Variants in CDC73 observed in about 807,000 individuals in gnomAD.
The protein encoded by CDC73 is cell division cycle 73, also known as parafibromin.
A neutral mutation model predicts 83.7 loss-of-function variants in CDC73; 21 were observed. The ratio of observed to expected loss-of-function variants is 0.25; its 90% confidence interval spans 0.18 to 0.36. The LOEUF is 0.36. CDC73 is among the 10% of genes least tolerant of loss of function. The pLI, the probability that CDC73 is intolerant of heterozygous loss-of-function variation, is 1.00. For synonymous variants in CDC73, 224 were observed against 212.9 expected (o/e 1.05, Z -0.45); for missense variants, 342 against 653.3 (o/e 0.52, Z 5.19).
chr1:193,203,966 A>G, intron 11 of CDC73, 114 bp downstream of exon 11: 1 of 831,824 alleles, frequency 1.2e-6, no homozygotes, highest in Non-Finnish European at 2.1e-6. Context: ...AATACATTGC[A>G]AAGTCATGTT....
chr1:193,157,132 A>T (rs1676220779), intron 10 of CDC73, among the ~76,000 whole-genome samples: 1 of 152,218 alleles, frequency 6.6e-6, no homozygotes, highest in Non-Finnish European at 1.5e-5. Flanking sequence ...AACACATTTT[A>T]GGAGCAGTGA....
At chr1:193,155,584 C>T (rs915527243) in intron 10 of CDC73, among the ~76,000 whole-genome samples, 1 of 152,144 alleles carries the variant, frequency 6.6e-6, no homozygotes, top group Non-Finnish European at 1.5e-5. Context: ...TCAAGACCAG[C>T]TCGGTTAACA....
intron 11 of CDC73, among the ~76,000 whole-genome samples, chr1:193,206,107 A>G (rs1249387005): frequency 6.6e-6 from 1 of 152,178 alleles, no homozygotes; most frequent in Non-Finnish European, 1.5e-5. Context: ...TACCTAAACA[A>G]ACCATTTTGT....
intron 3 of CDC73, 67 bp downstream of exon 3, chr1:193,130,310 T>C: frequency 1.0e-6 from 1 of 973,452 alleles, no homozygotes; most frequent in South Asian, 1.3e-5. Context: ...TATGAAATAA[T>C]GATTAGAGGG....
intron 2 of CDC73, among the ~76,000 whole-genome samples, chr1:193,129,834 A>G (rs10754046): frequency 0.61 from 92,643 of 152,052 alleles, 28,940 homozygotes; most frequent in South Asian, 0.77. Context: ...TAAAAGTAAC[A>G]TGTTTAATAC....
chr1:193,130,028 T>TTA, intron 2 of CDC73, 146 bp from the exon 3 acceptor site: 1 of 622,004 alleles, frequency 1.6e-6, no homozygotes, highest in East Asian at 2.8e-5. Context: ...TTAGGTTCTT[T>TTA]TAGCCTAGTC....
At chr1:193,238,792 C>T (rs1038288788) in intron 15 of CDC73, among the ~76,000 whole-genome samples, 1 of 152,114 alleles carries the variant, frequency 6.6e-6, no homozygotes, top group Non-Finnish European at 1.5e-5. Flanking sequence ...AGAGAAAATA[C>T]ATTTACTGTT....
chr1:193,223,879 A>G (rs1364387045), intron 13 of CDC73, among the ~76,000 whole-genome samples: 2 of 131,488 alleles, frequency 1.5e-5, no homozygotes, highest in South Asian at 4.7e-4. Flanking sequence ...TTTTTTTTGT[A>G]TTGATACGTA....
chr1:193,142,098 TGAGA>T (rs80356646), intron 7 of CDC73, 32 bp downstream of exon 7: 1,927 of 1,415,542 alleles, frequency 1.4e-3, no homozygotes, highest in Non-Finnish European at 1.6e-3. Context: ...TTCATTGGAG[TGAGA>T]GAGAGAGAGA....
At chr1:193,137,078 A>T (rs974576392) in intron 5 of CDC73, among the ~76,000 whole-genome samples, 2 of 152,140 alleles carry the variant, frequency 1.3e-5, no homozygotes, top group Non-Finnish European at 2.9e-5. Context: ...TCTTTTGAGG[A>T]TCTATAAGGA....
intron 10 of CDC73, chr1:193,181,068 T>A: frequency 6.2e-7 from 1 of 1,614,070 alleles, no homozygotes; most frequent in Middle Eastern, 1.6e-4. Context: ...CTCTTCTAGC[T>A]TCTATTTGTC....
intron 10 of CDC73, among the ~76,000 whole-genome samples, chr1:193,173,430 A>G (rs931157892): frequency 3.3e-5 from 5 of 152,064 alleles, no homozygotes; most frequent in African/African-American, 9.7e-5. Flanking sequence ...TTGTTCCTGC[A>G]CACTTTGCCT....
At chr1:193,211,307 G>A (rs1168554030) in intron 11 of CDC73, among the ~76,000 whole-genome samples, 2 of 152,196 alleles carry the variant, frequency 1.3e-5, no homozygotes, top group African/African-American at 4.8e-5. Flanking sequence ...TTTGCAGTTT[G>A]AGGTACAAAG....
chr1:193,196,304 G>A (rs115557172), intron 10 of CDC73, among the ~76,000 whole-genome samples: 29 of 152,256 alleles, frequency 1.9e-4, no homozygotes, highest in East Asian at 5.8e-4. Flanking sequence ...GACCATATAC[G>A]TGTGAGGTTA....
intron 13 of CDC73, among the ~76,000 whole-genome samples, chr1:193,226,491 T>G (rs1195961952): frequency 6.6e-6 from 1 of 152,184 alleles, no homozygotes; most frequent in East Asian, 1.9e-4. Context: ...GAGGTATGTC[T>G]CTTGTCTGCC....
chr1:193,211,971 A>G (rs1310067150), intron 11 of CDC73, 94 bp from the exon 12 acceptor site: 2 of 923,938 alleles, frequency 2.2e-6, no homozygotes, highest in Admixed American at 2.0e-5. Context: ...ATATGGGAAT[A>G]CACATAATTT....
chr1:193,197,552 C>T (rs924281961), intron 10 of CDC73, among the ~76,000 whole-genome samples: 7 of 152,138 alleles, frequency 4.6e-5, no homozygotes, highest in Admixed American at 1.3e-4. Context: ...TTGCAAGCAC[C>T]ATGAGGGTAG....
intron 11 of CDC73, among the ~76,000 whole-genome samples, chr1:193,206,553 T>C (rs1355892047): frequency 6.6e-6 from 1 of 152,222 alleles, no homozygotes; most frequent in Non-Finnish European, 1.5e-5. Flanking sequence ...TGTAGCCCAG[T>C]TTTGAAGGGA....
At chr1:193,224,153 C>T (rs995060610) in intron 13 of CDC73, among the ~76,000 whole-genome samples, 1 of 152,026 alleles carries the variant, frequency 6.6e-6, no homozygotes, top group Non-Finnish European at 1.5e-5. Context: ...TCCACTCCCC[C>T]ACCCTTCCTG....
Sources: gnomAD v4.1 joint callset for allele counts (sites outside exome capture counted in the v4.1 genomes callset) on GRCh38, gnomAD v4.1.1 for gene constraint, MANE v1.5 for transcripts, NCBI Gene and HGNC (gene_info 2026-07-23, HGNC 2026-07-21) for gene names.